The following TSG101 variants were observed in gnomAD, a reference collection of about 807,000 sequenced individuals.
TSG101 encodes tumor susceptibility gene 101 protein.
Under a neutral mutation model 48.5 loss-of-function variants are expected in TSG101, and 19 were observed. That is an observed-to-expected ratio of 0.39 (90% confidence interval 0.27 to 0.58). The LOEUF (loss-of-function observed/expected upper bound fraction) is 0.58. Among genes scored for constraint, TSG101 ranks in the 20% least tolerant of loss-of-function variants. TSG101 has a pLI of 0.55. For synonymous variants in TSG101, 174 were observed against 169.4 expected (o/e 1.03, Z -0.21); for missense variants, 365 against 484.4 (o/e 0.75, Z 2.31).
At chr11:18,485,389 G>GA (rs1468175030) in intron 7 of TSG101, among the ~76,000 whole-genome samples, 1 of 152,100 alleles carries the variant, frequency 6.6e-6, no homozygotes, top group East Asian at 1.9e-4. Flanking sequence ...ATTTTCTGAA[G>GA]GAAAGGTCTC....
rs993168380 is a variant in TSG101 at position 18,483,764 on chromosome 11, A to G, written c.843+106T>C. On this transcript the variant is annotated intron_variant, in intron 8 of 9. Transcript: ENST00000251968. ...ATTCAAATGTTTAAAGATGCCTATAATTTTCTGAACTCCTACTATGCCCAC... is the reference window on the plus strand; with the variant it reads ...ATTCAAATGTTTAAAGATGCCTATAGTTTTCTGAACTCCTACTATGCCCAC... The G allele has an allele frequency of 6.8e-6, 8 of 1,174,616 alleles. No homozygotes were observed. The African/African-American group carries it at 1.2e-4, about 18-fold the overall frequency. The allele number at this position is 1,174,616 out of a possible 1,614,324, so 72.8% of individuals were successfully genotyped here. A position where few individuals can be genotyped will look rare whatever the true frequency, so the allele number is the denominator to read the frequency against.
At chr11:18,482,741 G>C (rs2133901045) in intron 8 of TSG101, among the ~76,000 whole-genome samples, 1 of 152,304 alleles carries the variant, frequency 6.6e-6, no homozygotes. Context: ...TATTGAGAAA[G>C]TTCCCTGAAC....
intron 7 of TSG101, among the ~76,000 whole-genome samples, chr11:18,499,378 TTAAA>T (rs1235492764): frequency 3.4e-5 from 1 of 29,040 alleles, no homozygotes; most frequent in African/African-American, 1.1e-4. Flanking sequence ...ATGTTTATAT[TTAAA>T]TATATATATA....
intron 7 of TSG101, among the ~76,000 whole-genome samples, chr11:18,496,495 A>ATAACAT (rs1565086020): frequency 7.2e-6 from 1 of 138,764 alleles, no homozygotes; most frequent in African/African-American, 2.6e-5. Context: ...AATAAAATAA[A>ATAACAT]ATAAAATAAA....
At chr11:18,498,047 G>C (rs1849810939) in intron 7 of TSG101, among the ~76,000 whole-genome samples, 1 of 150,798 alleles carries the variant, frequency 6.6e-6, no homozygotes, top group Admixed American at 6.6e-5. Flanking sequence ...TATATACCAA[G>C]CACTCTTCTG....
At chr11:18,508,143 T>A (rs1160091396) in intron 5 of TSG101, among the ~76,000 whole-genome samples, 1 of 151,830 alleles carries the variant, frequency 6.6e-6, no homozygotes, top group Non-Finnish European at 1.5e-5. Context: ...CTGAAAAGGT[T>A]ACCTTTGTCA....
rs76982783 is a variant in TSG101 at position 18,497,636 on chromosome 11, A to G, written c.640+4850T>C. ...CTAAGGTTCTCTACAAATCAAAAGG[A>G]TTATACTATTATTTCAATGAGAAAC... is the stretch of plus-strand genomic sequence containing the variant. On this transcript the variant is annotated intron_variant, in intron 7 of 9. Transcript: ENST00000251968. Among the ~76,000 whole-genome samples the G allele has an allele frequency of 9.0e-3, 1,371 of 152,302 alleles. 23 individuals carry two copies. The highest frequency in any genetic ancestry group is 0.031 in the African/African-American group (1,291 of 41,556).
rs144863512 is a variant in TSG101 at position 18,490,814 on chromosome 11, T to C, written c.641-6742A>G. ...GCAGCGGGCACCAACCATGTTCTTG[T>C]AGGCAACAGAGAGCAGATTTCTCTC... On this transcript the variant is annotated intron_variant, in intron 7 of 9. Transcript: ENST00000251968. The C allele has an allele frequency of 8.1e-5, 44 of 543,868 alleles. 2 individuals are homozygous for C. The highest frequency in any genetic ancestry group is 8.1e-4 in the African/African-American group (42 of 52,162). The allele number at this position is 543,868 out of a possible 1,614,324, so 33.7% of individuals were successfully genotyped here.
chr11:18,497,026 G>A (rs1481500611), intron 7 of TSG101, among the ~76,000 whole-genome samples: 1 of 152,152 alleles, frequency 6.6e-6, no homozygotes, highest in Non-Finnish European at 1.5e-5. Flanking sequence ...GAGAGGTGGA[G>A]GTTGCAGTGA....
At chr11:18,493,571 T>C (rs1338224804) in intron 7 of TSG101, among the ~76,000 whole-genome samples, 2 of 152,212 alleles carry the variant, frequency 1.3e-5, no homozygotes, top group African/African-American at 4.8e-5. Flanking sequence ...TCCTGGATGT[T>C]ACTTGCTCAG....
chr11:18,494,608 T>C (rs939676441), intron 7 of TSG101, among the ~76,000 whole-genome samples: 7 of 152,226 alleles, frequency 4.6e-5, no homozygotes, highest in African/African-American at 1.7e-4. Flanking sequence ...CTCTCAGCAT[T>C]TAAATTTCAC....
At chr11:18,506,993 T>TA in intron 5 of TSG101, 70 bp from the exon 6 acceptor site, 1 of 1,282,422 alleles carries the variant, frequency 7.8e-7, no homozygotes. Context: ...CTGAATAAGA[T>TA]ATACATCACA....
intron 4 of TSG101, among the ~76,000 whole-genome samples, chr11:18,514,363 T>A (rs1482141596): frequency 1.3e-5 from 2 of 152,236 alleles, no homozygotes; most frequent in African/African-American, 4.8e-5. Context: ...GTAATCAGAT[T>A]TGAATTCCAT....
chr11:18,519,318 T>A (rs1387389884), intron 2 of TSG101, among the ~76,000 whole-genome samples: 1 of 152,154 alleles, frequency 6.6e-6, no homozygotes, highest in East Asian at 1.9e-4. Context: ...TATTTTTTTT[T>A]AACATAAAAA....
intron 8 of TSG101, 140 bp downstream of exon 8, chr11:18,483,730 A>T (rs1849580232): frequency 6.8e-6 from 6 of 876,526 alleles, no homozygotes; most frequent in African/African-American, 1.7e-5. Flanking sequence ...CAAAGGTATA[A>T]AAAATTACAT....
At chr11:18,501,041 CA>C (rs1849878488) in intron 7 of TSG101, among the ~76,000 whole-genome samples, 1 of 152,176 alleles carries the variant, frequency 6.6e-6, no homozygotes, top group African/African-American at 2.4e-5. Context: ...CTCCTCACCT[CA>C]AATGATTCGC....
intron 7 of TSG101, among the ~76,000 whole-genome samples, chr11:18,501,295 T>C (rs375609448): frequency 2.0e-5 from 3 of 152,182 alleles, no homozygotes; most frequent in African/African-American, 7.2e-5. Flanking sequence ...TTTTTGTATG[T>C]GGTACAAGAT....
chr11:18,505,766 C>T (rs971659224), intron 6 of TSG101, among the ~76,000 whole-genome samples: 1 of 152,030 alleles, frequency 6.6e-6, no homozygotes, highest in African/African-American at 2.4e-5. Context: ...CAAGTTTGAC[C>T]CCATTATCTG....
chr11:18,523,651 C>T (rs1224802740), intron 1 of TSG101, among the ~76,000 whole-genome samples: 4 of 151,936 alleles, frequency 2.6e-5, no homozygotes, highest in African/African-American at 4.8e-5. Context: ...TACAGGCGTG[C>T]GCCACCATGT....
Sources: gnomAD v4.1 joint callset for allele counts (sites outside exome capture counted in the v4.1 genomes callset) on GRCh38, gnomAD v4.1.1 for gene constraint, MANE v1.5 for transcripts, NCBI Gene and HGNC (gene_info 2026-07-23, HGNC 2026-07-21) for gene names.